The following SGCZ variants were observed in gnomAD, a reference collection of about 807,000 sequenced individuals.
SGCZ encodes zeta-sarcoglycan.
A neutral mutation model predicts 41.3 loss-of-function variants in SGCZ; 40 were observed. That is an observed-to-expected ratio of 0.97 (90% CI 0.75 to 1.26). The LOEUF is 1.26. Ranked by LOEUF, SGCZ falls within the 50% of genes most tolerant of loss-of-function variation. The pLI is 0.00. For synonymous variants in SGCZ, 206 were observed against 137.5 expected (o/e 1.50, Z -3.49); for missense variants, 552 against 369.8 (o/e 1.49, Z -4.04).
At chr8:14,918,712 T>C (rs561266367) in intron 1 of SGCZ, among the ~76,000 whole-genome samples, 5 of 152,198 alleles carry the variant, frequency 3.3e-5, no homozygotes, top group Admixed American at 6.5e-5. Context: ...TTTGGGGAAG[T>C]CTTCATTATT....
chr8:15,224,425 C>T (rs1801703816), intron 1 of SGCZ, among the ~76,000 whole-genome samples: 1 of 152,016 alleles, frequency 6.6e-6, no homozygotes, highest in South Asian at 2.1e-4. Context: ...AAATTGTATA[C>T]CCAGAAAAAA....
At chr8:15,060,357 A>C (rs1804876630) in intron 1 of SGCZ, among the ~76,000 whole-genome samples, 1 of 152,036 alleles carries the variant, frequency 6.6e-6, no homozygotes, top group Non-Finnish European at 1.5e-5. Context: ...GGATGAGTTC[A>C]TGTCCTTTGT....
rs1801605635 is a variant in SGCZ at position 14,088,909 on chromosome 8, A to G, written c.*1534T>C. Among the ~76,000 whole-genome samples the G allele has an allele frequency of 6.6e-6, 1 of 151,932 alleles. No individual in the cohort carries two copies. Among genetic ancestry groups the G allele is most frequent in the Non-Finnish European group, 1.5e-5 (1 of 67,926 alleles). ...GAACTCCAAAGACTCTACAGCCATT[A>G]ATCCCCAAAAGGAAGTTTCAACACA... On this transcript the variant is annotated 3_prime_UTR_variant, in exon 8 of 8. Transcript: ENST00000382080.
At chr8:14,106,566 T>A (rs555566425) in intron 6 of SGCZ, among the ~76,000 whole-genome samples, 1 of 152,276 alleles carries the variant, frequency 6.6e-6, no homozygotes, top group South Asian at 2.1e-4. Context: ...GACTAAAAAA[T>A]TTACTGTTGT....
chr8:15,130,186 C>T (rs958670002), intron 1 of SGCZ, among the ~76,000 whole-genome samples: 1 of 152,094 alleles, frequency 6.6e-6, no homozygotes, highest in Non-Finnish European at 1.5e-5. Context: ...TCTTGCTGCT[C>T]CTAAAGGCTC....
chr8:15,201,784 C>G (rs1800899074), intron 1 of SGCZ, among the ~76,000 whole-genome samples: 1 of 152,180 alleles, frequency 6.6e-6, no homozygotes, highest in Admixed American at 6.5e-5. Flanking sequence ...ACTTGAAAAG[C>G]AGGATACAGA....
chr8:14,658,452 G>A (rs1397761757), intron 1 of SGCZ, among the ~76,000 whole-genome samples: 1 of 152,012 alleles, frequency 6.6e-6, no homozygotes, highest in African/African-American at 2.4e-5. Context: ...ATCATTCTAA[G>A]CTTCAGGCAC....
At chr8:14,793,568 C>T (rs1042387983) in intron 1 of SGCZ, among the ~76,000 whole-genome samples, 2 of 152,138 alleles carry the variant, frequency 1.3e-5, no homozygotes, top group African/African-American at 4.8e-5. Flanking sequence ...CCTTAACTGG[C>T]AGTAGGGAAA....
At chr8:14,775,735 G>C (rs552508187) in intron 1 of SGCZ, among the ~76,000 whole-genome samples, 3 of 152,162 alleles carry the variant, frequency 2.0e-5, no homozygotes, top group Non-Finnish European at 4.4e-5. Context: ...TGAAAAGAAA[G>C]GAAATAAGGT....
At chr8:14,176,346 A>T (rs1804540993) in intron 4 of SGCZ, among the ~76,000 whole-genome samples, 1 of 152,240 alleles carries the variant, frequency 6.6e-6, no homozygotes, top group African/African-American at 2.4e-5. Context: ...TTAATTTTGA[A>T]ATGAAAAACA....
intron 2 of SGCZ, among the ~76,000 whole-genome samples, chr8:14,419,645 T>G (rs914841572): frequency 2.6e-4 from 39 of 152,114 alleles, no homozygotes; most frequent in African/African-American, 9.4e-4. Flanking sequence ...GCAACTATAA[T>G]GTTTGATGAA....
chr8:14,417,013 C>A (rs1563315527), intron 2 of SGCZ, among the ~76,000 whole-genome samples: 1 of 151,828 alleles, frequency 6.6e-6, no homozygotes, highest in African/African-American at 2.4e-5. Context: ...ATCTTTGATA[C>A]TTCTTCCCAG....
At chr8:14,563,625 C>A (rs1804273070) in intron 1 of SGCZ, among the ~76,000 whole-genome samples, 1 of 151,896 alleles carries the variant, frequency 6.6e-6, no homozygotes, top group Non-Finnish European at 1.5e-5. Flanking sequence ...GTGTAGGGAT[C>A]TGAAAAATTT....
chr8:15,014,100 C>G (rs1802935358), intron 1 of SGCZ, among the ~76,000 whole-genome samples: 1 of 152,168 alleles, frequency 6.6e-6, no homozygotes, highest in African/African-American at 2.4e-5. Context: ...TCTGAAATGA[C>G]AGAAGGTAAA....
intron 1 of SGCZ, among the ~76,000 whole-genome samples, chr8:14,599,079 C>T (rs911188547): frequency 6.6e-6 from 1 of 152,132 alleles, no homozygotes; most frequent in African/African-American, 2.4e-5. Context: ...CTTATTCATT[C>T]AACAGCATGA....
At chr8:14,941,311 A>G (rs1404243697) in intron 1 of SGCZ, among the ~76,000 whole-genome samples, 1 of 152,202 alleles carries the variant, frequency 6.6e-6, no homozygotes. Flanking sequence ...GATGTTTGCT[A>G]CAGCATTATT....
intron 1 of SGCZ, among the ~76,000 whole-genome samples, chr8:14,794,697 A>G (rs983390782): frequency 6.6e-6 from 1 of 152,194 alleles, no homozygotes; most frequent in Non-Finnish European, 1.5e-5. Flanking sequence ...AAAAGTTCCA[A>G]CGCAAAGGAT....
At chr8:15,208,887 C>CT (rs1801153076) in intron 1 of SGCZ, among the ~76,000 whole-genome samples, 1 of 72,896 alleles carries the variant, frequency 1.4e-5, no homozygotes, top group Admixed American at 1.6e-4. Flanking sequence ...ATACACATAT[C>CT]CCTATACATA....
At chr8:15,058,212 G>C (rs997064891) in intron 1 of SGCZ, among the ~76,000 whole-genome samples, 1 of 151,978 alleles carries the variant, frequency 6.6e-6, no homozygotes, top group Non-Finnish European at 1.5e-5. Context: ...TTTTTTAAAA[G>C]GGGTGGAACC....
Sources: gnomAD v4.1 joint callset for allele counts (sites outside exome capture counted in the v4.1 genomes callset) on GRCh38, gnomAD v4.1.1 for gene constraint, MANE v1.5 for transcripts, NCBI Gene and HGNC (gene_info 2026-07-23, HGNC 2026-07-21) for gene names.